The following ANKFN1 variants were observed in gnomAD, a reference collection of about 807,000 sequenced individuals.
The protein encoded by ANKFN1 is ankyrin repeat and fibronectin type-III domain-containing protein 1.
Under a neutral mutation model 108.7 loss-of-function variants are expected in ANKFN1, and 74 were observed. That is an observed-to-expected ratio of 0.68 (90% CI 0.56 to 0.83). The LOEUF is 0.83. Ranked by LOEUF, ANKFN1 falls within the 40% of genes least tolerant of loss-of-function variation. The probability of loss-of-function intolerance (pLI) is 0.00; values close to 1 mark genes in which losing one functional copy is unlikely to be tolerated. For synonymous variants in ANKFN1, 547 were observed against 516.2 expected, an observed-to-expected ratio of 1.06 and a Z score of -0.81; for missense variants, 1,505 against 1,382.3, an observed-to-expected ratio of 1.09 and a Z score of -1.41.
intron 1 of ANKFN1, among the ~76,000 whole-genome samples, chr17:56,202,983 T>C (rs1914189749): frequency 6.6e-6 from 1 of 152,216 alleles, no homozygotes; most frequent in African/African-American, 2.4e-5. Flanking sequence ...AATTTTGAGT[T>C]ACTATCACTG....
rs59884444 is a variant in ANKFN1 at position 56,144,156 on chromosome 17, GAAAAAAA to G, written c.289-83738_289-83732del. ...GCCTGACACAAACAGAGGCGCATCT[GAAAAAAA>G]AAAAAAAAAAAAAAAAAAAAAACAG... is the stretch of plus-strand genomic sequence containing the variant. On this transcript the variant is annotated intron_variant, in intron 4 of 12. Coordinates refer to the ANKFN1 transcript ENST00000635860. 4.2e-3 allele frequency among the ~76,000 whole-genome samples: 171 copies of G among 40,550 alleles called. 3 individuals carry two copies. Among genetic ancestry groups the G allele is most frequent in the African/African-American group, 0.015 (158 of 10,846 alleles). 26.6% of individuals were successfully genotyped at this position (40,550 alleles called of 152,430 possible).
intron 8 of ANKFN1, among the ~76,000 whole-genome samples, chr17:56,439,729 T>G (rs2049038241): frequency 6.6e-6 from 1 of 152,144 alleles, no homozygotes; most frequent in Non-Finnish European, 1.5e-5. Flanking sequence ...GAAAGGAGGC[T>G]TCTTTATTTG....
chr17:56,155,323 G>A (rs187874612), intron 1 of ANKFN1, among the ~76,000 whole-genome samples: 1 of 152,258 alleles, frequency 6.6e-6, no homozygotes, highest in Non-Finnish European at 1.5e-5. Context: ...TCTGATATAG[G>A]CAAGCAAGCT....
Position 56,093,504 on chromosome 17 carries a change from A to G in ANKFN1, c.288+47179A>G, listed in dbSNP as rs948519682. On this transcript the variant is annotated intron_variant, in intron 4 of 12. Transcript: ENST00000635860. ...CCTTCTCATGGAATACTAAGCGCAA[A>G]AAACGGCACCCAGGAATAAAAACTG... Among the ~76,000 whole-genome samples, 8 of 151,208 alleles carry G rather than the reference A, an allele frequency of 5.3e-5. 1 individual carries two copies. The highest frequency in any genetic ancestry group is 1.2e-4 in the Non-Finnish European group (8 of 67,708).
At chr17:56,316,834 G>C (rs755851424) in intron 3 of ANKFN1, among the ~76,000 whole-genome samples, 1 of 152,130 alleles carries the variant, frequency 6.6e-6, no homozygotes, top group Non-Finnish European at 1.5e-5. Context: ...GTGCTATACT[G>C]TAAGCATTTA....
chr17:56,220,399 A>G (rs985433279), intron 2 of ANKFN1, among the ~76,000 whole-genome samples: 7 of 152,178 alleles, frequency 4.6e-5, no homozygotes, highest in African/African-American at 1.7e-4. Flanking sequence ...CACGCCTGTA[A>G]TTTTAGCACT....
intron 4 of ANKFN1, among the ~76,000 whole-genome samples, chr17:56,347,592 G>A (rs921256321): frequency 6.6e-6 from 1 of 151,904 alleles, no homozygotes; most frequent in Non-Finnish European, 1.5e-5. Flanking sequence ...TAGTTGGGAG[G>A]GTCATGCATA....
intron 4 of ANKFN1, among the ~76,000 whole-genome samples, chr17:56,338,877 G>C (rs1280021431): frequency 6.6e-6 from 1 of 152,018 alleles, no homozygotes; most frequent in Non-Finnish European, 1.5e-5. Flanking sequence ...ACAAAAGGAG[G>C]AGCAATTTCT....
At chr17:56,049,612 A>T (rs138200331) in intron 4 of ANKFN1, among the ~76,000 whole-genome samples, 2,137 of 151,620 alleles carry the variant, frequency 0.014, 28 homozygotes, top group Non-Finnish European at 0.018. Context: ...TCATAGTTCA[A>T]TTCCCACCTA....
At chr17:56,116,299 G>A (rs953843887) in intron 4 of ANKFN1, among the ~76,000 whole-genome samples, 15 of 152,142 alleles carry the variant, frequency 9.9e-5, no homozygotes, top group African/African-American at 3.6e-4. Flanking sequence ...TATATAGCAA[G>A]TATTGGATTA....
chr17:56,346,951 C>T (rs894079798), intron 4 of ANKFN1, among the ~76,000 whole-genome samples: 1 of 151,932 alleles, frequency 6.6e-6, no homozygotes, highest in African/African-American at 2.4e-5. Flanking sequence ...ATCTCTGTGA[C>T]TTTGGGCACC....
intron 1 of ANKFN1, among the ~76,000 whole-genome samples, chr17:56,187,426 T>A (rs954107336): frequency 9.9e-5 from 15 of 152,128 alleles, no homozygotes; most frequent in African/African-American, 3.1e-4. Context: ...CATTAAAAAG[T>A]CAGGAAACAA....
At chr17:56,456,709 A>G in intron 11 of ANKFN1, 152 bp from the exon 12 acceptor site, 3 of 651,282 alleles carry the variant, frequency 4.6e-6, no homozygotes, top group South Asian at 3.9e-5. Flanking sequence ...AGAGCTTCTT[A>G]TAGGCATGAA....
chr17:56,389,322 C>G (rs1321103138), intron 8 of ANKFN1, among the ~76,000 whole-genome samples: 1 of 152,196 alleles, frequency 6.6e-6, no homozygotes, highest in African/African-American at 2.4e-5. Context: ...AAATGCTGCA[C>G]AATTCCATTT....
At chr17:56,055,330 T>C (rs896807605) in intron 4 of ANKFN1, among the ~76,000 whole-genome samples, 1 of 151,438 alleles carries the variant, frequency 6.6e-6, no homozygotes, top group Admixed American at 6.6e-5. Context: ...AGATATTTGG[T>C]TTTCTGTTTC....
intron 14 of ANKFN1, chr17:56,463,726 TAGTG>T (rs1278004282): frequency 6.6e-6 from 1 of 152,218 alleles, no homozygotes; most frequent in African/African-American, 2.4e-5. Context: ...AAATGAGTGT[TAGTG>T]AGTAAGAGCT....
intron 1 of ANKFN1, among the ~76,000 whole-genome samples, chr17:56,161,687 C>T (rs996300923): frequency 1.3e-5 from 2 of 151,360 alleles, no homozygotes; most frequent in Admixed American, 6.6e-5. Flanking sequence ...ATTGCATAAA[C>T]CCTATAGAGG....
In ANKFN1 at chr17:56,510,792, C is replaced by T. The variant is rs1041991870; in HGVS notation, c.2964C>T (p.Ser988=). The stretch of plus-strand genomic sequence containing the variant: ...CCAAGAACCACGCCAAGACTGTGTC[C>T]GGTGGGCGGCCCCCGCTAGGCTTCC... ...FTPKNHAKTV[S]GGRPPLGFLG... Residue 988 remains serine, a synonymous_variant, in exon 21 of 21, where the codon TCC becomes TCT. Transcript: ENST00000682825. The T allele has an allele frequency of 6.5e-6, 10 of 1,536,058 alleles. No homozygotes were observed. The highest frequency in any genetic ancestry group is 2.0e-5 in the Admixed American group (1 of 50,988).
chr17:56,147,035 G>A (rs1227572422), intron 4 of ANKFN1, among the ~76,000 whole-genome samples: 1 of 152,136 alleles, frequency 6.6e-6, no homozygotes, highest in Non-Finnish European at 1.5e-5. Context: ...CAGATCTCTA[G>A]GGCAAGGGCA....
Sources: allele counts gnomAD v4.1 joint callset (sites outside exome capture counted in the v4.1 genomes callset), GRCh38; gene constraint gnomAD v4.1.1; transcripts MANE v1.5; gene names NCBI Gene and HGNC (gene_info 2026-07-23, HGNC 2026-07-21).